The following EYS variants were observed in gnomAD, a reference collection of about 807,000 sequenced individuals.
EYS encodes the protein EGF-like photoreceptor maintenance factor.
A neutral mutation model predicts 282.1 loss-of-function variants in EYS; 250 were observed. The observed-to-expected ratio is 0.89, with a 90% CI of 0.80 to 0.98. The LOEUF (loss-of-function observed/expected upper bound fraction) is 0.98. Ranked by LOEUF, EYS falls within the 50% of genes least tolerant of loss-of-function variation. EYS has a pLI of 0.00. For synonymous variants in EYS, 1,355 were observed against 1,282.9 expected, an observed-to-expected ratio of 1.06 and a Z score of -1.20; for missense variants, 4,016 against 3,709.0, an observed-to-expected ratio of 1.08 and a Z score of -2.15.
At chr6:64,991,278 A>T (rs1771052871) in intron 14 of EYS, among the ~76,000 whole-genome samples, 1 of 151,604 alleles carries the variant, frequency 6.6e-6, no homozygotes, top group Admixed American at 6.6e-5. Flanking sequence ...TATTCTATAT[A>T]AACATAGCAG....
intron 29 of EYS, among the ~76,000 whole-genome samples, chr6:64,366,463 T>C (rs1234008294): frequency 6.6e-6 from 1 of 152,080 alleles, no homozygotes; most frequent in African/African-American, 2.4e-5. Context: ...AAATTTTATC[T>C]ATTGCTTTAA....
At chr6:65,086,752 G>A (rs1304213032) in intron 12 of EYS, among the ~76,000 whole-genome samples, 2 of 151,892 alleles carry the variant, frequency 1.3e-5, no homozygotes, top group Admixed American at 6.6e-5. Flanking sequence ...ATGTACATGA[G>A]CATAAACACA....
rs74185163 is a variant in EYS at position 64,632,773 on chromosome 6, C to T, written c.3444-6528G>A. Reference sequence around the variant, plus strand: ...GGGATATTCAGTGAATAGGCAAAGCCAATGATCTGAGCAGAATGGTCTTGA... The same window carrying T: ...GGGATATTCAGTGAATAGGCAAAGCTAATGATCTGAGCAGAATGGTCTTGA... On this transcript the variant is annotated intron_variant, in intron 22 of 42. Coordinates refer to ENST00000503581, the MANE Select transcript of EYS (RefSeq NM_001142800.2). Among the ~76,000 whole-genome samples the T allele has an allele frequency of 2.6e-4, 39 of 152,132 alleles. No individual in the cohort carries two copies. The East Asian group carries it at 7.1e-3, about 28-fold the overall frequency.
intron 2 of EYS, among the ~76,000 whole-genome samples, chr6:65,633,663 A>C (rs1162553017): frequency 5.3e-5 from 8 of 152,216 alleles, no homozygotes; most frequent in African/African-American, 1.9e-4. Context: ...GCTGCCTAGA[A>C]TACATCTACT....
intron 2 of EYS, among the ~76,000 whole-genome samples, chr6:65,627,607 G>A (rs113459644): frequency 2.0e-5 from 3 of 152,278 alleles, no homozygotes; most frequent in African/African-American, 7.2e-5. Flanking sequence ...AGTTCCGGGT[G>A]GGCGTGGTCT....
chr6:64,730,504 G>A (rs1483365090), intron 22 of EYS, among the ~76,000 whole-genome samples: 1 of 152,000 alleles, frequency 6.6e-6, no homozygotes, highest in South Asian at 2.1e-4. Context: ...TTTGAGATGG[G>A]CATCCTGCTC....
chr6:64,260,012 G>T (rs535222091), intron 30 of EYS, among the ~76,000 whole-genome samples: 8 of 152,072 alleles, frequency 5.3e-5, no homozygotes, highest in Non-Finnish European at 7.4e-5. Flanking sequence ...TTAGCCATCT[G>T]AAGTAAAGAC....
chr6:63,985,848 T>C (rs1459468672), intron 34 of EYS, among the ~76,000 whole-genome samples: 1 of 151,700 alleles, frequency 6.6e-6, no homozygotes, highest in African/African-American at 2.4e-5. Flanking sequence ...GCAATACCAT[T>C]CTGGACATAG....
At chr6:64,544,430 G>C (rs913032145) in intron 26 of EYS, among the ~76,000 whole-genome samples, 1 of 152,090 alleles carries the variant, frequency 6.6e-6, no homozygotes. Context: ...GGAACTGCAG[G>C]AAACCATCTA....
intron 30 of EYS, among the ~76,000 whole-genome samples, chr6:64,282,958 A>G (rs1004108945): frequency 6.6e-5 from 10 of 152,168 alleles, no homozygotes; most frequent in Non-Finnish European, 1.3e-4. Flanking sequence ...ATATTACATC[A>G]TGTCTTGTCA....
At chr6:64,110,209 G>C (rs1013064678) in intron 31 of EYS, among the ~76,000 whole-genome samples, 5 of 151,104 alleles carry the variant, frequency 3.3e-5, no homozygotes, top group Admixed American at 2.6e-4. Context: ...AAATTTAAAG[G>C]CTTTCTTACT....
At chr6:63,806,494 T>C (rs761074070) in intron 36 of EYS, 122 bp from the exon 37 acceptor site, 5 of 823,326 alleles carry the variant, frequency 6.1e-6, no homozygotes, top group Non-Finnish European at 9.1e-6. Flanking sequence ...AATTATACTT[T>C]AGTGCCCTTC....
At chr6:64,760,909 G>A (rs1188695625) in intron 22 of EYS, among the ~76,000 whole-genome samples, 2 of 152,192 alleles carry the variant, frequency 1.3e-5, no homozygotes, top group Admixed American at 1.3e-4. Context: ...TTAGAACCTA[G>A]CCATTGTCTC....
intron 22 of EYS, among the ~76,000 whole-genome samples, chr6:64,811,334 A>C (rs1030595069): frequency 6.6e-6 from 1 of 152,004 alleles, no homozygotes; most frequent in Non-Finnish European, 1.5e-5. Flanking sequence ...ACTTTATAGC[A>C]GTAATGAATG....
At chr6:65,220,981 T>C (rs1234233096) in intron 12 of EYS, among the ~76,000 whole-genome samples, 1 of 152,146 alleles carries the variant, frequency 6.6e-6, no homozygotes, top group Non-Finnish European at 1.5e-5. Flanking sequence ...TTGAGAGAGA[T>C]GATTTAGGGT....
intron 11 of EYS, among the ~76,000 whole-genome samples, chr6:65,334,418 C>T (rs77385916): frequency 4.6e-5 from 7 of 151,516 alleles, no homozygotes; most frequent in Non-Finnish European, 1.0e-4. Context: ...CAGGTGTGCA[C>T]AACCACACCT....
At chr6:64,345,355 G>C (rs1256411507) in intron 29 of EYS, among the ~76,000 whole-genome samples, 1 of 151,408 alleles carries the variant, frequency 6.6e-6, no homozygotes, top group Non-Finnish European at 1.5e-5. Context: ...AAACAGAGAT[G>C]TAGACCAATG....
chr6:64,550,656 A>T (rs746428724), intron 26 of EYS, among the ~76,000 whole-genome samples: 4 of 152,202 alleles, frequency 2.6e-5, no homozygotes, highest in Admixed American at 6.5e-5. Context: ...AATTAGGAAA[A>T]GAGGAAGTCA....
chr6:64,729,597 T>C (rs887105857), intron 22 of EYS, among the ~76,000 whole-genome samples: 14 of 152,344 alleles, frequency 9.2e-5, no homozygotes, highest in African/African-American at 2.6e-4. Flanking sequence ...GCTGAACTCA[T>C]GTCAACCCAT....
Sources: gnomAD v4.1 joint callset for allele counts (sites outside exome capture counted in the v4.1 genomes callset) on GRCh38, gnomAD v4.1.1 for gene constraint, MANE v1.5 for transcripts, NCBI Gene and HGNC (gene_info 2026-07-23, HGNC 2026-07-21) for gene names.